RPS6KC1: variants seen among roughly 807,000 people sequenced by gnomAD.
The protein encoded by RPS6KC1 is ribosomal protein S6 kinase C1.
In RPS6KC1, 54 loss-of-function variants were observed where a neutral mutation model predicts 103.8. The ratio of observed to expected loss-of-function variants is 0.52; its 90% CI spans 0.42 to 0.65. The LOEUF is 0.65. Ranked by LOEUF, RPS6KC1 falls within the 30% of genes least tolerant of loss-of-function variation. The pLI, the probability that RPS6KC1 is intolerant of heterozygous loss-of-function variation, is 0.00. For synonymous variants in RPS6KC1, 439 were observed against 438.7 expected, an observed-to-expected ratio of 1.00 and a Z score of -0.01; for missense variants, 1,151 against 1,253.8, an observed-to-expected ratio of 0.92 and a Z score of 1.24.
chr1:213,558,722 T>C, the RPS6KC1 span, among the ~76,000 whole-genome samples: 1 of 152,214 alleles, frequency 6.6e-6, no homozygotes, highest in Admixed American at 6.5e-5. Context: ...ACTGGATGTG[T>C]AAACAGACTG....
At chr1:213,321,151 G>A in the RPS6KC1 span, among the ~76,000 whole-genome samples, 84 of 152,306 alleles carry the variant, frequency 5.5e-4, no homozygotes, top group African/African-American at 1.9e-3. Flanking sequence ...ACTACACGTC[G>A]ATGATGGACC....
At chr1:213,626,864 C>T in the RPS6KC1 span, among the ~76,000 whole-genome samples, 21,011 of 152,138 alleles carry the variant, frequency 0.14, 2,282 homozygotes, top group African/African-American at 0.3. Flanking sequence ...TAGCGTGATG[C>T]CTCCAGCTTT....
intron 5 of RPS6KC1, among the ~76,000 whole-genome samples, chr1:213,120,656 A>G (rs929140863): frequency 1.3e-5 from 2 of 152,176 alleles, no homozygotes; most frequent in South Asian, 2.1e-4. Flanking sequence ...GATTCACCCC[A>G]TGAAAACTTC....
the RPS6KC1 span, among the ~76,000 whole-genome samples, chr1:213,799,793 C>T: frequency 6.6e-6 from 1 of 152,202 alleles, no homozygotes; most frequent in South Asian, 2.1e-4. Context: ...GCTTCAGCTC[C>T]ACTGAAGGAT....
chr1:213,092,881 T>C (rs1414569652), intron 3 of RPS6KC1, among the ~76,000 whole-genome samples: 9 of 152,182 alleles, frequency 5.9e-5, no homozygotes, highest in Admixed American at 4.6e-4. Context: ...CATTGCACTT[T>C]CTGTACTGTG....
the RPS6KC1 span, among the ~76,000 whole-genome samples, chr1:213,423,749 C>A: frequency 6.6e-6 from 1 of 151,810 alleles, no homozygotes; most frequent in Non-Finnish European, 1.5e-5. Context: ...AAAGTGGGAG[C>A]CTTGGAGGGG....
the RPS6KC1 span, among the ~76,000 whole-genome samples, chr1:213,654,647 G>A: frequency 1.3e-5 from 2 of 152,140 alleles, no homozygotes; most frequent in Non-Finnish European, 2.9e-5. Flanking sequence ...AGAATGGCAT[G>A]AGGGGAATTA....
chr1:213,609,054 C>T, the RPS6KC1 span, among the ~76,000 whole-genome samples: 1 of 151,980 alleles, frequency 6.6e-6, no homozygotes, highest in Non-Finnish European at 1.5e-5. Context: ...AAAATAAGAA[C>T]ACAGAGAAAA....
the RPS6KC1 span, among the ~76,000 whole-genome samples, chr1:213,842,677 A>AT: frequency 1.3e-5 from 2 of 152,064 alleles, no homozygotes; most frequent in African/African-American, 4.8e-5. Context: ...ATTATCTTGG[A>AT]TTTTTTTCTA....
chr1:213,574,772 C>T, the RPS6KC1 span, among the ~76,000 whole-genome samples: 2 of 152,122 alleles, frequency 1.3e-5, no homozygotes, highest in African/African-American at 2.4e-5. Context: ...AATGGCCCAG[C>T]TTGATTTGGT....
chr1:213,783,866 G>T, the RPS6KC1 span, among the ~76,000 whole-genome samples: 1 of 143,128 alleles, frequency 7.0e-6, no homozygotes, highest in African/African-American at 2.6e-5. Context: ...AATAAGAGCT[G>T]TAGTACTTTC....
the RPS6KC1 span, among the ~76,000 whole-genome samples, chr1:213,315,296 C>T: frequency 1.3e-5 from 2 of 152,226 alleles, no homozygotes; most frequent in African/African-American, 4.8e-5. Context: ...TCCCTTCCCT[C>T]TCTGTCCATT....
At chr1:213,455,869 A>G in the RPS6KC1 span, among the ~76,000 whole-genome samples, 1 of 152,224 alleles carries the variant, frequency 6.6e-6, no homozygotes, top group African/African-American at 2.4e-5. Context: ...TGTAGACCAG[A>G]AAATTATGAC....
At chr1:213,215,821 C>A (rs1053563193) in intron 8 of RPS6KC1, among the ~76,000 whole-genome samples, 1 of 152,124 alleles carries the variant, frequency 6.6e-6, no homozygotes, top group African/African-American at 2.4e-5. Context: ...TAAAGACAAG[C>A]AAATGCTGAG....
At chr1:213,438,429 C>G in the RPS6KC1 span, among the ~76,000 whole-genome samples, 6 of 151,838 alleles carry the variant, frequency 4.0e-5, no homozygotes, top group Non-Finnish European at 7.4e-5. Flanking sequence ...TTTTTTTGAC[C>G]AGTAATTAGA....
chr1:213,291,614 A>G, the RPS6KC1 span, among the ~76,000 whole-genome samples: 1 of 152,202 alleles, frequency 6.6e-6, no homozygotes, highest in African/African-American at 2.4e-5. Flanking sequence ...CTGCACTGAA[A>G]ATTGGAGCCC....
the RPS6KC1 span, among the ~76,000 whole-genome samples, chr1:213,791,905 C>T: frequency 6.6e-6 from 1 of 152,150 alleles, no homozygotes; most frequent in African/African-American, 2.4e-5. Flanking sequence ...GTTAATACCT[C>T]CCTGTGCACA....
the RPS6KC1 span, among the ~76,000 whole-genome samples, chr1:213,779,057 A>G: frequency 6.6e-6 from 1 of 152,170 alleles, no homozygotes; most frequent in Admixed American, 6.5e-5. Context: ...GCCTCACTCT[A>G]AGCACCTGAG....
chr1:213,741,274 C>A, the RPS6KC1 span, among the ~76,000 whole-genome samples: 2 of 151,830 alleles, frequency 1.3e-5, no homozygotes. Flanking sequence ...AAAATCTAAT[C>A]TTTAAGAAAT....
Sources: gnomAD v4.1 joint callset for allele counts (sites outside exome capture counted in the v4.1 genomes callset) on GRCh38, gnomAD v4.1.1 for gene constraint, MANE v1.5 for transcripts, NCBI Gene and HGNC (gene_info 2026-07-23, HGNC 2026-07-21) for gene names.